SLC9A9: variants seen among roughly 807,000 people sequenced by gnomAD.
The protein encoded by SLC9A9 is sodium/hydrogen exchanger 9.
Under a neutral mutation model 77.8 loss-of-function variants are expected in SLC9A9, and 62 were observed. The observed-to-expected ratio is 0.80, with a 90% CI of 0.65 to 0.98. The LOEUF (loss-of-function observed/expected upper bound fraction) is 0.98, where lower values mean the gene tolerates loss of function less well. Ranked by LOEUF, SLC9A9 falls within the 50% of genes least tolerant of loss-of-function variation. The probability of loss-of-function intolerance (pLI) is 0.00; values close to 1 mark genes in which losing one functional copy is unlikely to be tolerated. For missense variants in SLC9A9, 775 were observed against 774.9 expected (o/e 1.00, Z 0.00); for synonymous variants, 320 against 283.5 (o/e 1.13, Z -1.29).
chr3:143,720,680 C>T (rs1228134920), intron 4 of SLC9A9, among the ~76,000 whole-genome samples: 1 of 152,134 alleles, frequency 6.6e-6, no homozygotes, highest in East Asian at 1.9e-4. Context: ...CTGTTACTTC[C>T]AGCAATCTCT....
chr3:143,736,351 A>G (rs753948701), intron 4 of SLC9A9, among the ~76,000 whole-genome samples: 29 of 152,308 alleles, frequency 1.9e-4, no homozygotes, highest in Admixed American at 7.2e-4. Flanking sequence ...CTTTGCCTTT[A>G]TACACTAGCA....
At chr3:143,617,277 C>T (rs973962664) in intron 6 of SLC9A9, among the ~76,000 whole-genome samples, 1 of 152,232 alleles carries the variant, frequency 6.6e-6, no homozygotes, top group African/African-American at 2.4e-5. Flanking sequence ...TTTATTGGAA[C>T]ACCAGCCATG....
intron 9 of SLC9A9, among the ~76,000 whole-genome samples, chr3:143,543,211 G>A (rs1338842206): frequency 6.6e-6 from 1 of 152,180 alleles, no homozygotes; most frequent in African/African-American, 2.4e-5. Flanking sequence ...TACTGGGACA[G>A]TAAAATGTTC....
chr3:143,797,744 C>T (rs896999586), intron 2 of SLC9A9, among the ~76,000 whole-genome samples: 5 of 152,146 alleles, frequency 3.3e-5, no homozygotes, highest in Admixed American at 2.0e-4. Flanking sequence ...TTGTGTCCCC[C>T]GCCCCTGCCC....
intron 9 of SLC9A9, among the ~76,000 whole-genome samples, chr3:143,508,402 A>G (rs1320637777): frequency 6.6e-6 from 1 of 152,254 alleles, no homozygotes; most frequent in Non-Finnish European, 1.5e-5. Context: ...TTAGATCATC[A>G]GGACAAACAC....
At chr3:143,802,723 A>G (rs1179958732) in intron 2 of SLC9A9, among the ~76,000 whole-genome samples, 1 of 152,156 alleles carries the variant, frequency 6.6e-6, no homozygotes, top group African/African-American at 2.4e-5. Context: ...TCTTCAAGAA[A>G]GGTAGAATAG....
intron 4 of SLC9A9, among the ~76,000 whole-genome samples, chr3:143,705,041 A>ATCTATCTATC (rs765935008): frequency 0.012 from 715 of 60,184 alleles, 6 homozygotes; most frequent in East Asian, 0.025. Context: ...CTATCTATCT[A>ATCTATCTATC]TATAGATATA....
intron 14 of SLC9A9, among the ~76,000 whole-genome samples, chr3:143,275,967 T>C (rs1327474862): frequency 6.6e-6 from 1 of 152,202 alleles, no homozygotes; most frequent in African/African-American, 2.4e-5. Context: ...TTTTTCACAG[T>C]GTGAAATATG....
chr3:143,636,324 G>A (rs1413322181), intron 6 of SLC9A9, among the ~76,000 whole-genome samples: 1 of 152,192 alleles, frequency 6.6e-6, no homozygotes, highest in Non-Finnish European at 1.5e-5. Context: ...GTCCTGGAAA[G>A]CTACTGACTT....
Position 143,712,818 on chromosome 3 carries a change from G to A in SLC9A9, c.534-19511C>T, listed in dbSNP as rs554659104. Among the ~76,000 whole-genome samples the A allele has an allele frequency of 6.2e-4, 94 of 152,296 alleles. No individual in the cohort carries two copies. The South Asian group carries it at 0.01, about 17-fold the overall frequency. Reference sequence around the variant, plus strand: ...AGCTGTTTTCAACAAAGAAACATATGTGTGTTTTTTAAAAATCTAATTGCA... The same window carrying A: ...AGCTGTTTTCAACAAAGAAACATATATGTGTTTTTTAAAAATCTAATTGCA... On this transcript the variant is annotated intron_variant, in intron 4 of 15. Coordinates refer to ENST00000316549, the MANE Select transcript of SLC9A9 (RefSeq NM_173653.4).
intron 8 of SLC9A9, among the ~76,000 whole-genome samples, chr3:143,558,457 T>G (rs1003434640): frequency 1.3e-5 from 2 of 152,294 alleles, no homozygotes; most frequent in Non-Finnish European, 2.9e-5. Context: ...GAGACAGGGT[T>G]GTACCCTACA....
chr3:143,406,978 G>GAAAAAAAAAAAAAAAAACAAAA (rs2033994488), intron 12 of SLC9A9, among the ~76,000 whole-genome samples: 1 of 69,394 alleles, frequency 1.4e-5, no homozygotes, highest in Non-Finnish European at 2.8e-5. Flanking sequence ...TCCATCTCGA[G>GAAAAAAAAAAAAAAAAACAAAA]AAAAAAAAAA....
intron 5 of SLC9A9, among the ~76,000 whole-genome samples, chr3:143,677,849 C>T: frequency 1.0e-5 from 1 of 100,386 alleles, no homozygotes; most frequent in East Asian, 3.4e-4. Context: ...TTTTTTGAGA[C>T]AGAGTCTCGC....
chr3:143,672,247 T>C lies in SLC9A9; in HGVS notation c.650-19887A>G, dbSNP rs112752905. Among the ~76,000 whole-genome samples the C allele has an allele frequency of 3.7e-3, 568 of 152,204 alleles. 5 individuals carry two copies. Among genetic ancestry groups the C allele is most frequent in the African/African-American group, 0.013 (540 of 41,542 alleles). Reference sequence around the variant, plus strand: ...TTTTCTCTTGAATTCTTGTGTAGAATATTGATAACACCAGTGATGAGAAAC... The same window carrying C: ...TTTTCTCTTGAATTCTTGTGTAGAACATTGATAACACCAGTGATGAGAAAC... On this transcript the variant is annotated intron_variant, in intron 5 of 15. Transcript: ENST00000316549.
intron 4 of SLC9A9, among the ~76,000 whole-genome samples, chr3:143,710,649 A>T (rs979404070): frequency 4.6e-5 from 7 of 152,242 alleles, no homozygotes; most frequent in African/African-American, 1.7e-4. Flanking sequence ...CCTGGTTTGT[A>T]TCAGAACAAA....
chr3:143,760,227 T>G (rs1482435623), intron 4 of SLC9A9, among the ~76,000 whole-genome samples: 1 of 152,036 alleles, frequency 6.6e-6, no homozygotes, highest in Non-Finnish European at 1.5e-5. Flanking sequence ...GGCTGTTGAA[T>G]TTTGTCAAAG....
chr3:143,684,882 T>C (rs1275162925), intron 5 of SLC9A9, among the ~76,000 whole-genome samples: 1 of 152,108 alleles, frequency 6.6e-6, no homozygotes, highest in African/African-American at 2.4e-5. Context: ...GACATATTAA[T>C]TCAATCTCAT....
chr3:143,300,212 T>G (rs2030462201), intron 14 of SLC9A9, among the ~76,000 whole-genome samples: 1 of 152,222 alleles, frequency 6.6e-6, no homozygotes, highest in Non-Finnish European at 1.5e-5. Context: ...CACCTAGGTC[T>G]GAGCCTCAGT....
chr3:143,580,902 C>T (rs2037440322), intron 6 of SLC9A9, among the ~76,000 whole-genome samples: 1 of 152,142 alleles, frequency 6.6e-6, no homozygotes, highest in Admixed American at 6.5e-5. Context: ...TGACAAGTGA[C>T]ATATTTAATA....
Sources: allele counts gnomAD v4.1 joint callset (sites outside exome capture counted in the v4.1 genomes callset), GRCh38; gene constraint gnomAD v4.1.1; transcripts MANE v1.5; gene names NCBI Gene and HGNC (gene_info 2026-07-23, HGNC 2026-07-21).